Variants in TG observed in about 807,000 individuals in gnomAD.
TG encodes thyroid hormones.
In TG, 270 loss-of-function variants were observed where a neutral mutation model predicts 324.7. That is an observed-to-expected ratio of 0.83 (90% confidence interval 0.75 to 0.92). TG has a LOEUF of 0.92. TG is among the 40% of genes least tolerant of loss of function. The probability of loss-of-function intolerance (pLI) is 0.00; values close to 1 mark genes in which losing one functional copy is unlikely to be tolerated. For synonymous variants in TG, 1,401 were observed against 1,327.0 expected, an observed-to-expected ratio of 1.06 and a Z score of -1.21; for missense variants, 3,591 against 3,456.4, an observed-to-expected ratio of 1.04 and a Z score of -0.98.
At chr8:132,897,430 T>C (rs1343064751) in intron 11 of TG, among the ~76,000 whole-genome samples, 1 of 152,224 alleles carries the variant, frequency 6.6e-6, no homozygotes, top group Non-Finnish European at 1.5e-5. Flanking sequence ...ATAATATTCT[T>C]TCAAGCTTCA....
intron 43 of TG, among the ~76,000 whole-genome samples, chr8:133,101,638 T>A (rs1222786343): frequency 1.3e-5 from 2 of 152,210 alleles, no homozygotes; most frequent in East Asian, 3.8e-4. Flanking sequence ...CACCAACACC[T>A]GTTTGTTTAG....
At chr8:132,917,933 G>A (rs952117293) in intron 20 of TG, among the ~76,000 whole-genome samples, 3 of 136,140 alleles carry the variant, frequency 2.2e-5, no homozygotes, top group Admixed American at 8.3e-5. Flanking sequence ...TTACTTTTGC[G>A]CCAGCTTAAT....
At chr8:132,900,410 C>T in intron 15 of TG, 71 bp downstream of exon 15, 2 of 1,418,900 alleles carry the variant, frequency 1.4e-6, no homozygotes, top group Admixed American at 1.9e-5. Context: ...GTCCAAAGAG[C>T]TGGCTTCGTG....
At chr8:133,107,960 G>A (rs541967971) in intron 43 of TG, among the ~76,000 whole-genome samples, 1 of 120,270 alleles carries the variant, frequency 8.3e-6, no homozygotes, top group East Asian at 2.4e-4. Context: ...ATTGGGGCCA[G>A]TCCTTTTTCT....
At chr8:133,020,611 C>T (rs1340818157) in intron 39 of TG, among the ~76,000 whole-genome samples, 1 of 152,128 alleles carries the variant, frequency 6.6e-6, no homozygotes, top group Non-Finnish European at 1.5e-5. Context: ...TTTAAAAAGA[C>T]CTCATATTCG....
chr8:133,042,069 G>A (rs774487995), intron 41 of TG, among the ~76,000 whole-genome samples: 9 of 151,970 alleles, frequency 5.9e-5, no homozygotes, highest in Non-Finnish European at 1.3e-4. Context: ...TTACAGGTGT[G>A]AGCCACCACA....
intron 41 of TG, among the ~76,000 whole-genome samples, chr8:133,055,465 G>A (rs764348701): frequency 2.6e-5 from 4 of 151,932 alleles, no homozygotes; most frequent in Non-Finnish European, 5.9e-5. Flanking sequence ...CTGGTAGAAG[G>A]TCTGCCGAGT....
In TG at chr8:132,961,085, G is replaced by A. The variant is rs1827689525; in HGVS notation, c.5467+12G>A. The A allele has an allele frequency of 1.2e-6, 2 of 1,613,798 alleles. No homozygotes were observed. The highest frequency in any genetic ancestry group is 1.7e-5 in the Admixed American group (1 of 59,986). On this transcript the variant is annotated intron_variant, in intron 28 of 47. Coordinates refer to ENST00000220616, the MANE Select transcript of TG (RefSeq NM_003235.5). The stretch of plus-strand genomic sequence containing the variant: ...TTATCTCTGGAAAGGTGAGCTCCGT[G>A]GTGGAAGAGGGGGTTAGCAGGACGC...
intron 29 of TG, chr8:132,964,666 G>T: frequency 1.9e-6 from 1 of 537,656 alleles, no homozygotes; most frequent in East Asian, 3.1e-5. Context: ...AATCTAATAC[G>T]GCACGTAAAC....
At chr8:132,952,867 G>A (rs939446656) in intron 27 of TG, among the ~76,000 whole-genome samples, 2 of 152,192 alleles carry the variant, frequency 1.3e-5, no homozygotes, top group Non-Finnish European at 2.9e-5. Context: ...TGCCATGGCT[G>A]GGGCTCAAGC....
At chr8:133,118,834 C>A (rs1395668451) in intron 45 of TG, among the ~76,000 whole-genome samples, 1 of 152,136 alleles carries the variant, frequency 6.6e-6, no homozygotes, top group Non-Finnish European at 1.5e-5. Flanking sequence ...GGAAACAGAA[C>A]CTGGGCAGTT....
intron 45 of TG, among the ~76,000 whole-genome samples, chr8:133,122,371 G>A (rs936500595): frequency 8.5e-5 from 13 of 152,194 alleles, no homozygotes; most frequent in Admixed American, 1.3e-4. Context: ...AGATGAGACC[G>A]TCTAGCTCCT....
rs956069629 is a variant in TG, at chr8:133,055,357, G to A, written c.7239+25334G>A. On this transcript the variant is annotated intron_variant, in intron 41 of 47. Transcript: ENST00000220616. The stretch of plus-strand genomic sequence containing the variant: ...AGTGTCATCTTCAGGACACACACAC[G>A]CACGCGCGCACACACACACACACAC... Among the ~76,000 whole-genome samples, 571 of 59,904 alleles carry A rather than the reference G, an allele frequency of 9.5e-3. 4 individuals are homozygous for A. Among genetic ancestry groups the A allele is most frequent in the Non-Finnish European group, 0.011 (306 of 27,784 alleles). 39.3% of individuals were successfully genotyped at this position (59,904 alleles called of 152,430 possible). A position where few individuals can be genotyped will look rare whatever the true frequency, so the allele number is the denominator to read the frequency against.
chr8:132,934,756 C>T (rs932937641), intron 24 of TG, among the ~76,000 whole-genome samples: 10 of 152,150 alleles, frequency 6.6e-5, no homozygotes, highest in African/African-American at 9.7e-5. Context: ...GGCAGCCTTG[C>T]GGGGGAAGGC....
chr8:133,096,155 C>T, intron 42 of TG, 51 bp from the exon 43 acceptor site: 3 of 1,602,976 alleles, frequency 1.9e-6, no homozygotes, highest in Admixed American at 1.7e-5. Context: ...TTATGCAAAG[C>T]AGTGCAACTG....
At chr8:132,960,893 A>T (rs186180066) in intron 27 of TG, 115 bp from the exon 28 acceptor site, 126 of 1,059,446 alleles carry the variant, frequency 1.2e-4, no homozygotes, top group Non-Finnish European at 1.8e-4. Context: ...CGTGGGAAAC[A>T]GAGTTTTCAG....
At chr8:132,976,504 C>A (rs1380375531) in intron 34 of TG, among the ~76,000 whole-genome samples, 2 of 152,190 alleles carry the variant, frequency 1.3e-5, no homozygotes, top group African/African-American at 4.8e-5. Context: ...AAGCCTGTTG[C>A]TGGAAGGTTC....
At chr8:133,017,193 A>G (rs1835109442) in intron 37 of TG, among the ~76,000 whole-genome samples, 1 of 151,984 alleles carries the variant, frequency 6.6e-6, no homozygotes, top group Admixed American at 6.5e-5. Flanking sequence ...TTCCCTCACT[A>G]ATGAGATGTA....
At chr8:132,909,139 A>G (rs573334578) in intron 18 of TG, among the ~76,000 whole-genome samples, 1 of 152,210 alleles carries the variant, frequency 6.6e-6, no homozygotes, top group Admixed American at 6.5e-5. Flanking sequence ...GGATGATGGG[A>G]GTTTTACAGT....
Sources: allele counts gnomAD v4.1 joint callset (sites outside exome capture counted in the v4.1 genomes callset), GRCh38; gene constraint gnomAD v4.1.1; transcripts MANE v1.5; gene names NCBI Gene and HGNC (gene_info 2026-07-23, HGNC 2026-07-21).